AP3B1: variants seen among roughly 807,000 people sequenced by gnomAD.
AP3B1 encodes AP-3 complex subunit beta-1.
A neutral mutation model predicts 132.5 loss-of-function variants in AP3B1; 61 were observed. That is an observed-to-expected ratio of 0.46 (90% confidence interval 0.37 to 0.57). The LOEUF (loss-of-function observed/expected upper bound fraction) is 0.57, where lower values mean the gene tolerates loss of function less well. Among genes scored for constraint, AP3B1 ranks in the 20% least tolerant of loss-of-function variants. The pLI is 0.00. For synonymous variants in AP3B1, 388 were observed against 438.3 expected, an observed-to-expected ratio of 0.89 and a Z score of 1.43; for missense variants, 1,120 against 1,289.4, an observed-to-expected ratio of 0.87 and a Z score of 2.01.
chr5:78,282,472 G>A (rs1233200871), intron 1 of AP3B1, among the ~76,000 whole-genome samples: 2 of 151,916 alleles, frequency 1.3e-5, no homozygotes, highest in South Asian at 4.2e-4. Flanking sequence ...AAGAATCAGG[G>A]CTTATTAATT....
intron 13 of AP3B1, among the ~76,000 whole-genome samples, chr5:78,161,369 T>TA (rs1417479006): frequency 2.0e-5 from 3 of 152,040 alleles, no homozygotes; most frequent in Non-Finnish European, 4.4e-5. Flanking sequence ...CGGTGCTTTC[T>TA]GTATGTAACT....
At chr5:78,221,450 T>C (rs1006146860) in intron 6 of AP3B1, among the ~76,000 whole-genome samples, 4 of 151,950 alleles carry the variant, frequency 2.6e-5, no homozygotes, top group Non-Finnish European at 2.9e-5. Flanking sequence ...TAAATATAAA[T>C]TATAAATTTT....
At chr5:78,188,862 T>C (rs1477947336) in intron 7 of AP3B1, among the ~76,000 whole-genome samples, 2 of 151,732 alleles carry the variant, frequency 1.3e-5, no homozygotes, top group Non-Finnish European at 2.9e-5. Flanking sequence ...ATAAAGAAAA[T>C]GTGGTGCATA....
chr5:78,123,363 A>C (rs1443854103), intron 17 of AP3B1, among the ~76,000 whole-genome samples: 1 of 152,230 alleles, frequency 6.6e-6, no homozygotes, highest in African/African-American at 2.4e-5. Context: ...TAATTAAACT[A>C]AAGAGCTTCT....
intron 22 of AP3B1, among the ~76,000 whole-genome samples, chr5:78,087,876 T>G (rs1215467466): frequency 1.3e-5 from 2 of 152,236 alleles, no homozygotes; most frequent in African/African-American, 4.8e-5. Flanking sequence ...TACTGAGTAA[T>G]GACAATGTGT....
intron 1 of AP3B1, among the ~76,000 whole-genome samples, chr5:78,275,623 G>A (rs866109208): frequency 5.3e-5 from 8 of 152,124 alleles, no homozygotes; most frequent in Middle Eastern, 3.4e-3. Context: ...TTATAGGCAC[G>A]CGCCACCACA....
chr5:78,039,799 AAAAG>A (rs1242989684), intron 22 of AP3B1, among the ~76,000 whole-genome samples: 3 of 149,834 alleles, frequency 2.0e-5, no homozygotes, highest in Non-Finnish European at 4.4e-5. Flanking sequence ...AAAAGAAAAG[AAAAG>A]AAAAAAAAAA....
chr5:78,002,973 T>C lies in AP3B1; in HGVS notation c.3214A>G (p.Ile1072Val), dbSNP rs760735640. 12 of 1,614,098 alleles carry C rather than the reference T, an allele frequency of 7.4e-6. No homozygotes were observed. Among genetic ancestry groups the C allele is most frequent in the African/African-American group, 1.3e-5 (1 of 74,936 alleles). The change falls in exon 27 of 27, where the codon ATA becomes GTA. Residue 1072 changes from isoleucine to valine, a missense_variant. Ile to Val is a conservative substitution (Grantham distance 29). Transcript: ENST00000255194. ...LKEGSTAQLI[I>V]NTEKTVIGSV... The stretch of plus-strand genomic sequence containing the variant: ...CCAATCACAGTTTTCTCAGTGTTTA[T>C]GATAAGCTGGGCTGTAGAGCCTTCC...
intron 15 of AP3B1, among the ~76,000 whole-genome samples, chr5:78,136,258 T>G (rs1752905765): frequency 6.6e-6 from 1 of 152,322 alleles, no homozygotes; most frequent in South Asian, 2.1e-4. Flanking sequence ...CTAAGCATTT[T>G]ACATGAACTG....
intron 26 of AP3B1, among the ~76,000 whole-genome samples, chr5:78,005,552 C>A (rs539666807): frequency 6.6e-6 from 1 of 152,330 alleles, no homozygotes; most frequent in Admixed American, 6.5e-5. Flanking sequence ...CATCTGCTTA[C>A]GCTGCAATGG....
At chr5:78,119,736 G>A (rs1378602356) in intron 17 of AP3B1, among the ~76,000 whole-genome samples, 2 of 152,192 alleles carry the variant, frequency 1.3e-5, no homozygotes, top group East Asian at 3.8e-4. Context: ...AAAGTGACGG[G>A]TAGAATGGAA....
At position 78,294,640 on chromosome 5, in the gene AP3B1, G is replaced by C; in HGVS notation, c.-61C>G. 6.2e-7 allele frequency: 1 copy of C among 1,610,850 alleles called. No individual in the cohort carries two copies. Among genetic ancestry groups the C allele is most frequent in the Non-Finnish European group, 8.5e-7 (1 of 1,179,492 alleles). The stretch of plus-strand genomic sequence containing the variant: ...CGGGGGTTCTCTCCAAAAGGTTCCA[G>C]TCCAGAGGGCACGGAACAAAACTAG... On this transcript the variant is annotated 5_prime_UTR_variant, in exon 1 of 27. Transcript: ENST00000255194.
At chr5:78,097,267 C>T (rs1750881597) in intron 21 of AP3B1, among the ~76,000 whole-genome samples, 1 of 138,474 alleles carries the variant, frequency 7.2e-6, no homozygotes, top group African/African-American at 2.7e-5. Flanking sequence ...GGCCAGCCAC[C>T]CCGTCCGGGA....
At chr5:78,017,915 A>G (rs3776925) in intron 25 of AP3B1, among the ~76,000 whole-genome samples, 11,156 of 152,060 alleles carry the variant, frequency 0.073, 807 homozygotes, top group East Asian at 0.18. Context: ...GTAATTAACT[A>G]CTAAAAGGCA....
intron 25 of AP3B1, 140 bp from the exon 26 acceptor site, chr5:78,015,688 A>T: frequency 2.5e-6 from 2 of 802,034 alleles, no homozygotes; most frequent in Non-Finnish European, 3.9e-6. Flanking sequence ...CAAGATAATT[A>T]TAAAACTAAA....
intron 24 of AP3B1, among the ~76,000 whole-genome samples, chr5:78,029,187 T>C (rs1747464748): frequency 6.6e-6 from 1 of 152,232 alleles, no homozygotes; most frequent in African/African-American, 2.4e-5. Context: ...TAAAATATAC[T>C]ATGATTATGG....
chr5:78,278,620 A>AG, intron 1 of AP3B1, among the ~76,000 whole-genome samples: 1 of 76,080 alleles, frequency 1.3e-5, no homozygotes. Flanking sequence ...AAAAAAAAAA[A>AG]AAAAAGGGGG....
intron 22 of AP3B1, chr5:78,042,402 T>C (rs1253146867): frequency 2.6e-5 from 4 of 152,046 alleles, no homozygotes; most frequent in African/African-American, 9.7e-5. Flanking sequence ...GCTGGGTTAA[T>C]TTTTTTTATT....
chr5:78,293,660 T>C (rs1180085531), intron 1 of AP3B1, among the ~76,000 whole-genome samples: 1 of 152,020 alleles, frequency 6.6e-6, no homozygotes, highest in East Asian at 1.9e-4. Flanking sequence ...AGATTTAAAA[T>C]AAGAGAAATG....
Sources: gnomAD v4.1 joint callset for allele counts (sites outside exome capture counted in the v4.1 genomes callset) on GRCh38, gnomAD v4.1.1 for gene constraint, MANE v1.5 for transcripts, NCBI Gene and HGNC (gene_info 2026-07-23, HGNC 2026-07-21) for gene names.